AMN1: variants seen among roughly 807,000 people sequenced by gnomAD.
AMN1 encodes the protein protein AMN1 homolog.
Under a neutral mutation model 33.0 loss-of-function variants are expected in AMN1, and 20 were observed. The observed-to-expected ratio is 0.61, with a 90% CI of 0.43 to 0.88. The LOEUF is 0.88. Among genes scored for constraint, AMN1 ranks in the 40% least tolerant of loss-of-function variants. AMN1 has a pLI of 0.00. For synonymous variants in AMN1, 114 were observed against 111.9 expected (o/e 1.02, Z -0.12); for missense variants, 246 against 307.4 (o/e 0.80, Z 1.49).
chr12:31,697,375 C>G lies in AMN1; in HGVS notation c.577G>C (p.Ala193Pro), dbSNP rs773005290. 6.2e-7 allele frequency: 1 copy of G among 1,611,894 alleles called. No homozygotes were observed. Among genetic ancestry groups the G allele is most frequent in the Non-Finnish European group, 8.5e-7 (1 of 1,178,690 alleles). Residue 193 changes from alanine (A) to proline (P), a missense_variant, in exon 5 of 7, where the codon GCG becomes CCG. Physicochemically the swap from Ala to Pro is conservative, Grantham distance 27 (BLOSUM62 -1). Coordinates refer to ENST00000281471, the MANE Select transcript of AMN1 (RefSeq NM_001113402.2). ...GVIALVSGPC[A>P]KKLEEIHMGH... is the part of the protein sequence containing the mutation. ...TTTAAAATTACCTCTAATTTCTTCG[C>G]ACAAGGTCCACTAACAAGTGCAATC...
intron 1 of AMN1, among the ~76,000 whole-genome samples, chr12:31,727,670 T>C (rs1043283759): frequency 5.9e-5 from 9 of 152,226 alleles, no homozygotes; most frequent in Non-Finnish European, 8.8e-5. Flanking sequence ...CTTTTCCTTA[T>C]TAGAAATTTC....
intron 6 of AMN1, among the ~76,000 whole-genome samples, chr12:31,681,815 A>G (rs754930292): frequency 6.6e-5 from 10 of 152,170 alleles, no homozygotes; most frequent in Non-Finnish European, 1.5e-4. Context: ...AGCTGGGACT[A>G]TAGGTGTGCA....
Position 31,687,096 on chromosome 12 carries a change from G to A in AMN1, c.703+1911C>T, listed in dbSNP as rs1176328350. ...GGTGATCATGGCTCACTGCAGCTTCGACCTCCCAGGCTTAAGTGATCCACC... is the reference window on the plus strand; with the variant it reads ...GGTGATCATGGCTCACTGCAGCTTCAACCTCCCAGGCTTAAGTGATCCACC... On this transcript the variant is annotated intron_variant, in intron 6 of 6. Transcript: ENST00000281471. The surrounding 1 kb of genome is among the most constrained non-coding windows in gnomAD (Gnocchi z 4.1). Among the ~76,000 whole-genome samples, 2 of 151,644 alleles carry A rather than the reference G, an allele frequency of 1.3e-5. No individual in the cohort carries two copies. Among genetic ancestry groups the A allele is most frequent in the South Asian group, 2.1e-4 (1 of 4,796 alleles).
chr12:31,725,763 T>C (rs1940037246), intron 1 of AMN1, among the ~76,000 whole-genome samples: 1 of 152,232 alleles, frequency 6.6e-6, no homozygotes, highest in Non-Finnish European at 1.5e-5. Flanking sequence ...TAGCACCATC[T>C]TGGCTCACTC....
intron 4 of AMN1, among the ~76,000 whole-genome samples, 159 bp from the exon 5 acceptor site, chr12:31,697,576 G>A (rs545282301): frequency 4.2e-4 from 64 of 152,220 alleles, no homozygotes; most frequent in South Asian, 8.3e-4. Flanking sequence ...TTAATTGAGA[G>A]GAATATGCCA....
chr12:31,722,859 C>T (rs1167130275), intron 1 of AMN1, among the ~76,000 whole-genome samples: 1 of 152,116 alleles, frequency 6.6e-6, no homozygotes, highest in Admixed American at 6.6e-5. Context: ...TGCTAGTTTT[C>T]AGAAATCAAG....
chr12:31,685,417 C>T (rs1342122993), intron 6 of AMN1, among the ~76,000 whole-genome samples: 1 of 152,176 alleles, frequency 6.6e-6, no homozygotes, highest in Non-Finnish European at 1.5e-5. Flanking sequence ...CCCTTGGTCC[C>T]TCCAAAGCTG....
At chr12:31,724,299 G>A (rs567116936) in intron 1 of AMN1, among the ~76,000 whole-genome samples, 1 of 152,296 alleles carries the variant, frequency 6.6e-6, no homozygotes, top group South Asian at 2.1e-4. Flanking sequence ...CAGTACTCTT[G>A]TGCTCTGGTG....
rs192273694 is a variant in AMN1 at position 31,701,713 on chromosome 12, T to C, written c.316+150A>G. ...AAGCAAGAATTCTAACTTGGATTAT[T>C]TTCTTAGTCTGAATGTTTTTACTGA... On this transcript the variant is annotated intron_variant, in intron 3 of 6. Coordinates refer to ENST00000281471, the MANE Select transcript of AMN1 (RefSeq NM_001113402.2). 1.2e-4 allele frequency: 85 copies of C among 698,120 alleles called. No homozygotes were observed. The African/African-American group carries it at 1.5e-3, about 13-fold the overall frequency. 43.2% of individuals were successfully genotyped at this position (698,120 alleles called of 1,614,324 possible). A position where few individuals can be genotyped will look rare whatever the true frequency, so the allele number is the denominator to read the frequency against.
intron 5 of AMN1, among the ~76,000 whole-genome samples, chr12:31,690,815 C>T (rs1462396068): frequency 2.6e-5 from 4 of 152,190 alleles, no homozygotes; most frequent in African/African-American, 7.2e-5. Context: ...TAAATTATGG[C>T]ATATCCATAC....
chr12:31,693,539 TTTC>T (rs1938593079), intron 5 of AMN1, among the ~76,000 whole-genome samples: 1 of 149,844 alleles, frequency 6.7e-6, no homozygotes, highest in South Asian at 2.1e-4. Flanking sequence ...TGTTTGTATT[TTTC>T]TTTTTTCTTT....
chr12:31,712,716 C>T (rs947166870), intron 1 of AMN1, among the ~76,000 whole-genome samples: 11 of 151,704 alleles, frequency 7.3e-5, no homozygotes, highest in African/African-American at 2.7e-4. Context: ...AGTGCAGTGG[C>T]ACAATCTCAG....
chr12:31,728,257 T>A (rs571399192), intron 1 of AMN1, among the ~76,000 whole-genome samples: 96 of 152,302 alleles, frequency 6.3e-4, no homozygotes, highest in African/African-American at 2.2e-3. Flanking sequence ...AGAGACGCAA[T>A]TGCCCTTGTA....
At chr12:31,711,140 T>G (rs1939450077) in intron 1 of AMN1, among the ~76,000 whole-genome samples, 1 of 152,090 alleles carries the variant, frequency 6.6e-6, no homozygotes, top group Non-Finnish European at 1.5e-5. Flanking sequence ...AACTCCTCAC[T>G]TGGGATTACA....
rs537273929 is a variant in AMN1 at position 31,672,119 on chromosome 12, T to C, written c.*185A>G. 2 of 521,616 alleles carry C rather than the reference T, an allele frequency of 3.8e-6. No homozygotes were observed. The highest frequency in any genetic ancestry group is 6.0e-5 in the East Asian group (2 of 33,172). 32.3% of individuals were successfully genotyped at this position (521,616 alleles called of 1,614,324 possible). A position where few individuals can be genotyped will look rare whatever the true frequency, so the allele number is the denominator to read the frequency against. On this transcript the variant is annotated 3_prime_UTR_variant, in exon 7 of 7. Transcript: ENST00000281471. ...ATAGAATAATAGCACTTTAAAGATG[T>C]TTAAGAGTAAAGCACAAACCATGTA...
intron 3 of AMN1, among the ~76,000 whole-genome samples, chr12:31,700,739 G>A (rs1449487204): frequency 2.0e-5 from 3 of 151,860 alleles, no homozygotes; most frequent in African/African-American, 7.3e-5. Context: ...GCTCAGGCTG[G>A]AGTGCAGTGG....
At chr12:31,716,547 G>C (rs1305021286) in intron 1 of AMN1, among the ~76,000 whole-genome samples, 1 of 152,114 alleles carries the variant, frequency 6.6e-6, no homozygotes, top group Non-Finnish European at 1.5e-5. Context: ...ATTTTAGTGG[G>C]TATATAATAG....
chr12:31,722,202 G>C (rs924904138), intron 1 of AMN1, among the ~76,000 whole-genome samples: 6 of 151,326 alleles, frequency 4.0e-5, no homozygotes, highest in Admixed American at 6.6e-5. Flanking sequence ...ATGTGTTACA[G>C]TTGTTGACAT....
intron 6 of AMN1, chr12:31,672,987 A>G (rs914038781): frequency 6.6e-6 from 1 of 152,264 alleles, no homozygotes; most frequent in African/African-American, 2.4e-5. Flanking sequence ...AATTTAACCA[A>G]TCTATATTAT....
Sources: allele counts gnomAD v4.1 joint callset (sites outside exome capture counted in the v4.1 genomes callset), GRCh38; gene constraint gnomAD v4.1.1; non-coding constraint Gnocchi (gnomAD v3.1); transcripts MANE v1.5; gene names NCBI Gene and HGNC (gene_info 2026-07-23, HGNC 2026-07-21).